Variants in AGBL1 observed in about 807,000 individuals in gnomAD.
AGBL1 encodes AGBL carboxypeptidase 1.
A neutral mutation model predicts 118.9 loss-of-function variants in AGBL1; 130 were observed. The ratio of observed to expected loss-of-function variants is 1.09; its 90% CI spans 0.95 to 1.26. The LOEUF (loss-of-function observed/expected upper bound fraction) is 1.26. AGBL1 is among the 50% of genes most tolerant of loss of function. The pLI is 0.00. For missense variants in AGBL1, 1,584 were observed against 1,298.1 expected, an observed-to-expected ratio of 1.22 and a Z score of -3.38; for synonymous variants, 555 against 478.9, an observed-to-expected ratio of 1.16 and a Z score of -2.08.
intron 17 of AGBL1, among the ~76,000 whole-genome samples, chr15:86,345,103 C>T (rs1368339530): frequency 1.3e-5 from 2 of 152,242 alleles, no homozygotes; most frequent in African/African-American, 4.8e-5. Flanking sequence ...ATAAACAAAT[C>T]ATGTCAAAAG....
Position 86,910,063 on chromosome 15 carries a change from C to G in AGBL1, c.*2769C>G, listed in dbSNP as rs918542471. 1 of 152,188 alleles carries G rather than the reference C, an allele frequency of 6.6e-6. No individual in the cohort carries two copies. The allele number at this position is 152,188 out of a possible 1,614,324, so 9.4% of individuals were successfully genotyped here. ...CAGACAAAGAAGAACAATAAACATT[C>G]TAAGTTAATGCAGTATGGCCCATGC... On this transcript the variant is annotated 3_prime_UTR_variant, in exon 23 of 23. Transcript: ENST00000614907.
chr15:86,802,656 C>T (rs1044356617), intron 22 of AGBL1, among the ~76,000 whole-genome samples: 3 of 152,090 alleles, frequency 2.0e-5, no homozygotes, highest in African/African-American at 7.2e-5. Context: ...TGTTTCTGAC[C>T]TCACAGTCTA....
At chr15:86,918,806 A>G (rs998491326), downstream of AGBL1, among the ~76,000 whole-genome samples, 1 of 152,226 alleles carries the variant, frequency 6.6e-6, no homozygotes, top group African/African-American at 2.4e-5. Flanking sequence ...TTAAAGATGA[A>G]CAACATGAAT....
chr15:86,873,034 T>C (rs2079752336), intron 22 of AGBL1, among the ~76,000 whole-genome samples: 1 of 152,230 alleles, frequency 6.6e-6, no homozygotes, highest in Non-Finnish European at 1.5e-5. Context: ...TTTGTGATTA[T>C]ACTCTTTCAG....
chr15:86,500,174 G>A (rs1003216747), intron 18 of AGBL1, among the ~76,000 whole-genome samples: 1 of 151,870 alleles, frequency 6.6e-6, no homozygotes, highest in East Asian at 1.9e-4. Flanking sequence ...TGGGACTTGA[G>A]AGCTTTATGA....
At chr15:86,110,320 T>A (rs565829178) in intron 1 of AGBL1, among the ~76,000 whole-genome samples, 1 of 152,362 alleles carries the variant, frequency 6.6e-6, no homozygotes, top group African/African-American at 2.4e-5. Context: ...TTACTGATAA[T>A]GTAAACAGTG....
intron 21 of AGBL1, 110 bp downstream of exon 21, chr15:86,554,647 G>C (rs528509846): frequency 1.6e-4 from 185 of 1,183,404 alleles, no homozygotes; most frequent in Admixed American, 4.0e-4. Flanking sequence ...GCTCCAAGTA[G>C]AGTTTGGTCC....
At chr15:87,014,449 T>C (rs1193343482) in intron 24 of AGBL1, among the ~76,000 whole-genome samples, 1 of 152,204 alleles carries the variant, frequency 6.6e-6, no homozygotes, top group Non-Finnish European at 1.5e-5. Flanking sequence ...GACTGCAATA[T>C]TGTCCCTCAA....
At chr15:86,849,339 C>T (rs1040653360) in intron 22 of AGBL1, among the ~76,000 whole-genome samples, 2 of 152,254 alleles carry the variant, frequency 1.3e-5, no homozygotes, top group Middle Eastern at 3.4e-3. Flanking sequence ...CTGCTATGCA[C>T]GCTGGGATCA....
At chr15:86,147,025 AG>A (rs2077041835) in intron 3 of AGBL1, among the ~76,000 whole-genome samples, 2 of 152,204 alleles carry the variant, frequency 1.3e-5, no homozygotes, top group Admixed American at 1.3e-4. Flanking sequence ...ACAGAAAATA[AG>A]TATTTCTTTT....
chr15:86,353,287 C>G (rs1247336430), intron 17 of AGBL1, among the ~76,000 whole-genome samples: 2 of 152,162 alleles, frequency 1.3e-5, no homozygotes, highest in Non-Finnish European at 2.9e-5. Context: ...ACTCTATTTG[C>G]AAAATTAAAT....
chr15:86,946,425 TA>T (rs1773600323), intron 23 of AGBL1: 1 of 152,212 alleles, frequency 6.6e-6, no homozygotes, highest in South Asian at 2.1e-4. Flanking sequence ...CTAGTTTATA[TA>T]GTATATATAA....
intron 21 of AGBL1, among the ~76,000 whole-genome samples, chr15:86,564,248 C>T (rs1032582849): frequency 5.3e-5 from 8 of 152,088 alleles, no homozygotes; most frequent in South Asian, 2.1e-4. Flanking sequence ...CAATTTGGCA[C>T]GTTTTTGCAG....
intron 21 of AGBL1, among the ~76,000 whole-genome samples, chr15:86,599,949 C>T (rs1440280773): frequency 6.6e-6 from 1 of 152,062 alleles, no homozygotes; most frequent in East Asian, 1.9e-4. Context: ...ATATTGAAAA[C>T]AAAACTTATT....
At chr15:86,170,853 A>G (rs2077404173) in intron 5 of AGBL1, among the ~76,000 whole-genome samples, 1 of 148,884 alleles carries the variant, frequency 6.7e-6, no homozygotes, top group Non-Finnish European at 1.5e-5. Context: ...CTCCACAAAA[A>G]CAAAAACAAA....
At chr15:86,621,852 A>C (rs2084810648) in intron 21 of AGBL1, among the ~76,000 whole-genome samples, 1 of 152,238 alleles carries the variant, frequency 6.6e-6, no homozygotes, top group South Asian at 2.1e-4. Flanking sequence ...GTGATCAATG[A>C]ATATTAATTC....
intron 21 of AGBL1, among the ~76,000 whole-genome samples, chr15:86,635,516 A>C (rs1197055893): frequency 6.6e-6 from 1 of 151,740 alleles, no homozygotes; most frequent in Non-Finnish European, 1.5e-5. Context: ...AGGCTAATGT[A>C]ACAGACTCAG....
intron 22 of AGBL1, among the ~76,000 whole-genome samples, chr15:86,746,872 G>T (rs1158662910): frequency 6.6e-6 from 1 of 151,952 alleles, no homozygotes; most frequent in Non-Finnish European, 1.5e-5. Flanking sequence ...AATATTCTAT[G>T]TAAACATTAC....
At chr15:86,161,078 G>T (rs1415841734) in intron 5 of AGBL1, among the ~76,000 whole-genome samples, 4 of 152,228 alleles carry the variant, frequency 2.6e-5, no homozygotes, top group African/African-American at 9.6e-5. Context: ...TCAGAGGCAA[G>T]TGGGAAAGTA....
Sources: gnomAD v4.1 joint callset for allele counts (sites outside exome capture counted in the v4.1 genomes callset) on GRCh38, gnomAD v4.1.1 for gene constraint, MANE v1.5 for transcripts, NCBI Gene and HGNC (gene_info 2026-07-23, HGNC 2026-07-21) for gene names.